Variants in RPL15 observed in about 807,000 individuals in gnomAD.
RPL15 encodes the protein ribosomal protein L15.
For synonymous variants in RPL15, 97 were observed against 95.1 expected (o/e 1.02, Z -0.12); for missense variants, 161 against 271.8 (o/e 0.59, Z 2.87).
At chr3:23,918,888 C>T (rs1704886109) in intron 3 of RPL15, 1 of 514,836 alleles carries the variant, frequency 1.9e-6, no homozygotes, top group African/African-American at 1.9e-5. Context: ...GCTGAGCTCT[C>T]AGTTGTATGG....
Position 23,920,755 on chromosome 3 carries a change from C to T in RPL15, c.*1254C>T. On this transcript the variant is annotated 3_prime_UTR_variant, in exon 4 of 4. Coordinates refer to ENST00000307839, the MANE Select transcript of RPL15 (RefSeq NM_002948.5). ...ATAAAAGTTCTTGAGACCTAAATTT[C>T]TTCACAAAAAAAGAAAAGATCTTAA... is the stretch of plus-strand genomic sequence containing the variant. 1.0e-6 allele frequency: 1 copy of T among 974,738 alleles called. No individual in the cohort carries two copies. Among genetic ancestry groups the T allele is most frequent in the African/African-American group, 1.8e-5 (1 of 57,102 alleles). 60.4% of individuals were successfully genotyped at this position (974,738 alleles called of 1,614,324 possible). A position where few individuals can be genotyped will look rare whatever the true frequency, so the allele number is the denominator to read the frequency against.
rs560692338 is a variant in RPL15 at position 23,918,436 on chromosome 3, G to A, written c.173-4G>A. ...TCACTAATTTCGTGTGTGTTTGTGT[G>A]TAGGTTACGTTATATATAGGATTCG... On this transcript the variant is annotated splice_region_variant and splice_polypyrimidine_tract_variant and intron_variant, in intron 2 of 3. Transcript: ENST00000307839. 4.1e-5 allele frequency: 66 copies of A among 1,611,858 alleles called. No homozygotes were observed. The South Asian group carries it at 5.9e-4, about 15-fold the overall frequency.
rs369227929 is a variant in RPL15 at position 23,918,430 on chromosome 3, T to C, written c.173-10T>C. 111 of 1,610,886 alleles carry C rather than the reference T, an allele frequency of 6.9e-5. No individual in the cohort carries two copies. Among genetic ancestry groups the C allele is most frequent in the Non-Finnish European group, 9.1e-5 (107 of 1,179,394 alleles). On this transcript the variant is annotated splice_polypyrimidine_tract_variant and intron_variant, in intron 2 of 3. Transcript: ENST00000307839. ...ATAAAATCACTAATTTCGTGTGTGT[T>C]TGTGTGTAGGTTACGTTATATATAG...
Position 23,919,232 on chromosome 3 carries a change from C to T in RPL15, c.346C>T (p.Leu116=), listed in dbSNP as rs1575121160. 2 of 1,613,822 alleles carry T rather than the reference C, an allele frequency of 1.2e-6. No individual in the cohort carries two copies. The highest frequency in any genetic ancestry group is 1.7e-6 in the Non-Finnish European group (2 of 1,179,848). Residue 116 remains leucine (L), a synonymous_variant, in exon 4 of 4, where the codon CTG becomes TTG. Coordinates refer to ENST00000307839, the MANE Select transcript of RPL15 (RefSeq NM_002948.5). ...AGRHCGALRV[L]NSYWVGEDST... Reference sequence around the variant, plus strand: ...ACGCCACTGTGGGGCTCTGAGAGTCCTGAATTCTTACTGGGTTGGTGAAGA... The same window carrying T: ...ACGCCACTGTGGGGCTCTGAGAGTCTTGAATTCTTACTGGGTTGGTGAAGA...
Position 23,917,979 on chromosome 3 carries a change from C to T in RPL15, c.120C>T (p.Pro40=), listed in dbSNP as rs751502211. 6.2e-6 allele frequency: 10 copies of T among 1,612,892 alleles called. No homozygotes were observed. Among genetic ancestry groups the T allele is most frequent in the Non-Finnish European group, 8.5e-6 (10 of 1,179,654 alleles). Residue 40 remains proline, a synonymous_variant, in exon 2 of 4, where the codon CCC becomes CCT. Coordinates refer to ENST00000307839, the MANE Select transcript of RPL15 (RefSeq NM_002948.5). ...YRQLSALHRA[P]RPTRPDKARR... is the part of the protein sequence containing the mutation. ...AGCTCTCTGCTCTCCACAGGGCTCC[C>T]CGCCCCACCCGGCCTGATAAAGCGC...
At position 23,920,268 on chromosome 3, in the gene RPL15, G is replaced by A. The variant is rs1281347126; in HGVS notation, c.*767G>A. ...TATGAATCCCTTCAGTCACATTAGG[G>A]GGAAAGTAGTTGGCTATAAGTACGT... On this transcript the variant is annotated 3_prime_UTR_variant, in exon 4 of 4. Coordinates refer to ENST00000307839, the MANE Select transcript of RPL15 (RefSeq NM_002948.5). 4 of 985,628 alleles carry A rather than the reference G, an allele frequency of 4.1e-6. No homozygotes were observed. Among genetic ancestry groups the A allele is most frequent in the Non-Finnish European group, 3.6e-6 (3 of 829,868 alleles). The allele number at this position is 985,628 out of a possible 1,614,324, so 61.1% of individuals were successfully genotyped here.
chr3:23,920,887 G>T lies in RPL15; in HGVS notation c.*1386G>T. 1.7e-6 allele frequency: 1 copy of T among 579,336 alleles called. No homozygotes were observed. Among genetic ancestry groups the T allele is most frequent in the East Asian group, 1.4e-4 (1 of 6,992 alleles). The allele number at this position is 579,336 out of a possible 1,614,324, so 35.9% of individuals were successfully genotyped here. ...TTTTTTGTCATCTTACAGTGCTAAT[G>T]TACTTTAAAGCAAACCAAATGCCCT... On this transcript the variant is annotated 3_prime_UTR_variant, in exon 4 of 4. Coordinates refer to ENST00000307839, the MANE Select transcript of RPL15 (RefSeq NM_002948.5).
upstream of RPL15, chr3:23,916,921 C>T (rs2125246414): frequency 6.5e-6 from 1 of 152,866 alleles, no homozygotes; most frequent in Non-Finnish European, 1.5e-5. Context: ...ACCTCGCCGC[C>T]AACTCTCTCA....
At position 23,920,667 on chromosome 3, in the gene RPL15, T is replaced by C. The variant is rs1373013205; in HGVS notation, c.*1166T>C. 2.0e-6 allele frequency: 2 copies of C among 985,124 alleles called. No individual in the cohort carries two copies. Among genetic ancestry groups the C allele is most frequent in the African/African-American group, 3.5e-5 (2 of 57,226 alleles). 61.0% of individuals were successfully genotyped at this position (985,124 alleles called of 1,614,324 possible). On this transcript the variant is annotated 3_prime_UTR_variant, in exon 4 of 4. Transcript: ENST00000307839. ...CTCGTTCTGAACCAATTTTCTCCTATCTTCTCTAGGGGTTTCAAAAGACTC... is the reference window on the plus strand; with the variant it reads ...CTCGTTCTGAACCAATTTTCTCCTACCTTCTCTAGGGGTTTCAAAAGACTC...
rs4024643 is a variant in RPL15, at chr3:23,919,504, T to G, written c.*3T>G. On this transcript the variant is annotated 3_prime_UTR_variant, in exon 4 of 4. Coordinates refer to ENST00000307839, the MANE Select transcript of RPL15 (RefSeq NM_002948.5). Reference sequence around the variant, plus strand: ...TCCAGCTCCACCGTTACCGCTAATATAAGTAAAGTTTGTAAAATTCATACT... The same window carrying G: ...TCCAGCTCCACCGTTACCGCTAATAGAAGTAAAGTTTGTAAAATTCATACT... 4.5e-6 allele frequency: 7 copies of G among 1,558,206 alleles called. No homozygotes were observed. Among genetic ancestry groups the G allele is most frequent in the South Asian group, 3.5e-5 (3 of 86,280 alleles).
At chr3:23,918,676 G>C (rs35566344) in intron 3 of RPL15, 100 bp downstream of exon 3, 8 of 1,377,414 alleles carry the variant, frequency 5.8e-6, no homozygotes, top group African/African-American at 1.4e-5. Flanking sequence ...GAGCTGTCTC[G>C]TATATAAAAC....
intron 2 of RPL15, 72 bp downstream of exon 2, chr3:23,918,103 G>A: frequency 2.6e-6 from 4 of 1,531,660 alleles, no homozygotes; most frequent in Non-Finnish European, 3.5e-6. Context: ...CTGTTAGGAA[G>A]ACACTGCTGC....
downstream of RPL15, chr3:23,923,512 C>G (rs1013396369): frequency 6.6e-6 from 1 of 152,142 alleles, no homozygotes; most frequent in African/African-American, 2.4e-5. Context: ...AGCAACCGTG[C>G]CCGGCTGGAA....
Position 23,920,284 on chromosome 3 carries a change from A to G in RPL15, c.*783A>G, listed in dbSNP as rs927843711. On this transcript the variant is annotated 3_prime_UTR_variant, in exon 4 of 4. Coordinates refer to ENST00000307839, the MANE Select transcript of RPL15 (RefSeq NM_002948.5). Reference sequence around the variant, plus strand: ...CACATTAGGGGGAAAGTAGTTGGCTATAAGTACGTCATTCTTAGTCCAGTC... The same window carrying G: ...CACATTAGGGGGAAAGTAGTTGGCTGTAAGTACGTCATTCTTAGTCCAGTC... 7.1e-6 allele frequency: 7 copies of G among 985,720 alleles called. No individual in the cohort carries two copies. Among genetic ancestry groups the G allele is most frequent in the African/African-American group, 1.7e-5 (1 of 57,248 alleles). 61.1% of individuals were successfully genotyped at this position (985,720 alleles called of 1,614,324 possible). A position where few individuals can be genotyped will look rare whatever the true frequency, so the allele number is the denominator to read the frequency against.
At position 23,919,727 on chromosome 3, in the gene RPL15, T is replaced by C; in HGVS notation, c.*226T>C. 1 of 1,348,254 alleles carries C rather than the reference T, an allele frequency of 7.4e-7. No individual in the cohort carries two copies. 83.5% of individuals were successfully genotyped at this position (1,348,254 alleles called of 1,614,324 possible). ...TTTGCTTTATCTTATTAGGGAGTTGTATGTCAGTGTATAAAACATACTGTG... is the reference window on the plus strand; with the variant it reads ...TTTGCTTTATCTTATTAGGGAGTTGCATGTCAGTGTATAAAACATACTGTG... On this transcript the variant is annotated 3_prime_UTR_variant, in exon 4 of 4. Transcript: ENST00000307839.
rs1705020471 is a variant in RPL15 at position 23,920,543 on chromosome 3, A to G, written c.*1042A>G. 1 of 985,186 alleles carries G rather than the reference A, an allele frequency of 1.0e-6. No individual in the cohort carries two copies. The highest frequency in any genetic ancestry group is 1.1e-4 in the East Asian group (1 of 8,826). The allele number at this position is 985,186 out of a possible 1,614,324, so 61.0% of individuals were successfully genotyped here. A position where few individuals can be genotyped will look rare whatever the true frequency, so the allele number is the denominator to read the frequency against. Reference sequence around the variant, plus strand: ...CTGTTTGCACCATGTCTTCCAGGAGACTAGACTACTGTTGTCCAGGGTCAA... The same window carrying G: ...CTGTTTGCACCATGTCTTCCAGGAGGCTAGACTACTGTTGTCCAGGGTCAA... On this transcript the variant is annotated 3_prime_UTR_variant, in exon 4 of 4. Coordinates refer to ENST00000307839, the MANE Select transcript of RPL15 (RefSeq NM_002948.5).
At position 23,920,216 on chromosome 3, in the gene RPL15, C is replaced by T. The variant is rs148622248; in HGVS notation, c.*715C>T. 58 of 985,854 alleles carry T rather than the reference C, an allele frequency of 5.9e-5. No homozygotes were observed. In the African/African-American group the frequency reaches 8.2e-4, roughly 14 times the overall value. 61.1% of individuals were successfully genotyped at this position (985,854 alleles called of 1,614,324 possible). A position where few individuals can be genotyped will look rare whatever the true frequency, so the allele number is the denominator to read the frequency against. On this transcript the variant is annotated 3_prime_UTR_variant, in exon 4 of 4. Coordinates refer to ENST00000307839, the MANE Select transcript of RPL15 (RefSeq NM_002948.5). ...GAGCTTAGACGTCAACCCTAAAATACTTAACCGTAATGCTAATTGTGATCA... is the reference window on the plus strand; with the variant it reads ...GAGCTTAGACGTCAACCCTAAAATATTTAACCGTAATGCTAATTGTGATCA...
In RPL15 at chr3:23,920,785, T is replaced by C. The variant is rs1705036076; in HGVS notation, c.*1284T>C. 5.2e-6 allele frequency: 5 copies of C among 963,582 alleles called. No homozygotes were observed. Among genetic ancestry groups the C allele is most frequent in the Non-Finnish European group, 4.9e-6 (4 of 810,056 alleles). The allele number at this position is 963,582 out of a possible 1,614,324, so 59.7% of individuals were successfully genotyped here. A position where few individuals can be genotyped will look rare whatever the true frequency, so the allele number is the denominator to read the frequency against. On this transcript the variant is annotated 3_prime_UTR_variant, in exon 4 of 4. Coordinates refer to ENST00000307839, the MANE Select transcript of RPL15 (RefSeq NM_002948.5). The stretch of plus-strand genomic sequence containing the variant: ...CAAAAAAAGAAAAGATCTTAAGTCA[T>C]ACATTTTAATTGTGTAGAGGTTGTT...
downstream of RPL15, chr3:23,923,521 A>T (rs1705152427): frequency 6.6e-6 from 1 of 152,158 alleles, no homozygotes; most frequent in Non-Finnish European, 1.5e-5. Flanking sequence ...GCCCGGCTGG[A>T]ACTTCATTCT....
Sources: allele counts gnomAD v4.1 joint callset, GRCh38; gene constraint gnomAD v4.1.1; transcripts MANE v1.5; gene names NCBI Gene and HGNC (gene_info 2026-07-23, HGNC 2026-07-21).